LPCAT2: variants seen among roughly 807,000 people sequenced by gnomAD.
LPCAT2 encodes lysophosphatidylcholine acyltransferase 2, also known as 1-AGP acyltransferase 11.
A neutral mutation model predicts 64.7 loss-of-function variants in LPCAT2; 58 were observed. The observed-to-expected ratio is 0.90, with a 90% confidence interval of 0.73 to 1.12. The LOEUF (loss-of-function observed/expected upper bound fraction) is 1.12. Ranked by LOEUF, LPCAT2 falls within the 50% of genes most tolerant of loss-of-function variation. The pLI is 0.00. For missense variants in LPCAT2, 579 were observed against 669.8 expected, an observed-to-expected ratio of 0.86 and a Z score of 1.50; for synonymous variants, 252 against 245.3, an observed-to-expected ratio of 1.03 and a Z score of -0.26.
At chr16:55,547,999 C>T (rs1406321219) in intron 9 of LPCAT2, among the ~76,000 whole-genome samples, 1 of 152,176 alleles carries the variant, frequency 6.6e-6, no homozygotes, top group Non-Finnish European at 1.5e-5. Flanking sequence ...AACTCCTGAC[C>T]TCGGGTGATC....
intron 9 of LPCAT2, among the ~76,000 whole-genome samples, 170 bp downstream of exon 9, chr16:55,545,987 G>A (rs2397722): frequency 0.93 from 141,387 of 152,144 alleles, 66,241 homozygotes; most frequent in East Asian, 0.99. Context: ...CAATCTATAA[G>A]TATTTTCCCC....
chr16:55,542,993 A>G (rs1472022984), intron 8 of LPCAT2, among the ~76,000 whole-genome samples: 2 of 152,186 alleles, frequency 1.3e-5, no homozygotes, highest in Non-Finnish European at 2.9e-5. Context: ...GGGAACCATA[A>G]AAGATAGTGG....
chr16:55,525,105 C>T (rs183675154), intron 1 of LPCAT2, among the ~76,000 whole-genome samples: 346 of 152,090 alleles, frequency 2.3e-3, no homozygotes, highest in Middle Eastern at 0.014. Context: ...ACTTTTCTAC[C>T]TAAAGCTCTC....
rs1441712091 is a variant in LPCAT2, at chr16:55,583,695, T to A, written c.*597T>A. On this transcript the variant is annotated 3_prime_UTR_variant, in exon 14 of 14. Coordinates refer to ENST00000262134, the MANE Select transcript of LPCAT2 (RefSeq NM_017839.5). ...TATTGTAGTTTTTTGTTTTGTTTTG[T>A]TTTTTGAGATGGAGTCTTGCTCTGT... 1 of 153,240 alleles carries A rather than the reference T, an allele frequency of 6.5e-6. No homozygotes were observed. Among genetic ancestry groups the A allele is most frequent in the Non-Finnish European group, 1.4e-5 (1 of 69,002 alleles). 9.5% of individuals were successfully genotyped at this position (153,240 alleles called of 1,614,324 possible). A position where few individuals can be genotyped will look rare whatever the true frequency, so the allele number is the denominator to read the frequency against.
At chr16:55,550,815 A>G in intron 10 of LPCAT2, 134 bp from the exon 11 acceptor site, 2 of 667,460 alleles carry the variant, frequency 3.0e-6, no homozygotes, top group Non-Finnish European at 4.6e-6. Flanking sequence ...TTAAGTACCT[A>G]TTTTATTCTC....
intron 1 of LPCAT2, among the ~76,000 whole-genome samples, chr16:55,514,017 A>G (rs1470331345): frequency 1.3e-5 from 2 of 152,192 alleles, no homozygotes; most frequent in Non-Finnish European, 2.9e-5. Flanking sequence ...AGCCCGGGCA[A>G]CATAGGGAGA....
chr16:55,518,517 C>G (rs992376295), intron 1 of LPCAT2, among the ~76,000 whole-genome samples: 12 of 152,174 alleles, frequency 7.9e-5, no homozygotes, highest in Non-Finnish European at 1.0e-4. Flanking sequence ...TCACATTTCT[C>G]ATTTTCAAAA....
chr16:55,574,563 C>T (rs1963805704), intron 11 of LPCAT2, 68 bp from the exon 12 acceptor site: 2 of 1,076,778 alleles, frequency 1.9e-6, no homozygotes, highest in Non-Finnish European at 2.9e-6. Context: ...CTGAATTTTA[C>T]CTTGTAGTAG....
intron 12 of LPCAT2, among the ~76,000 whole-genome samples, chr16:55,575,327 C>A (rs1344542532): frequency 6.6e-6 from 1 of 152,100 alleles, no homozygotes; most frequent in Non-Finnish European, 1.5e-5. Context: ...GATGAAAGTT[C>A]AAATTTTGAA....
At chr16:55,515,247 T>TAC (rs34925523) in intron 1 of LPCAT2, among the ~76,000 whole-genome samples, 73,020 of 151,802 alleles carry the variant, frequency 0.48, 18,186 homozygotes, top group Non-Finnish European at 0.55. Flanking sequence ...TACCTATATA[T>TAC]AGTTACATTA....
intron 1 of LPCAT2, among the ~76,000 whole-genome samples, chr16:55,520,542 C>G (rs2142392635): frequency 6.6e-6 from 1 of 152,000 alleles, no homozygotes; most frequent in South Asian, 2.1e-4. Context: ...TGGAACACTA[C>G]CTCCAAAAAT....
At chr16:55,528,276 A>G (rs1193801764) in intron 2 of LPCAT2, 101 bp from the exon 3 acceptor site, 5 of 813,104 alleles carry the variant, frequency 6.1e-6, no homozygotes, top group Non-Finnish European at 9.7e-6. Context: ...TTCATATGAA[A>G]TACTCTGACA....
chr16:55,574,684 G>A lies in LPCAT2; in HGVS notation c.1269G>A (p.Leu423=). 1 of 1,613,580 alleles carries A rather than the reference G, an allele frequency of 6.2e-7. No homozygotes were observed. The highest frequency in any genetic ancestry group is 2.2e-5 in the East Asian group (1 of 44,848). The stretch of plus-strand genomic sequence containing the variant: ...AGTATGTGATTGGCCTGGCTGTCTT[G>A]TGCAACCCTTCCAACACAGAGGAGA... ...FREYVIGLAV[L]CNPSNTEEII... The change falls in exon 12 of 14, where the codon TTG becomes TTA. Residue 423 remains leucine, a synonymous_variant. Coordinates refer to ENST00000262134, the MANE Select transcript of LPCAT2 (RefSeq NM_017839.5).
intron 1 of LPCAT2, among the ~76,000 whole-genome samples, chr16:55,525,076 G>A (rs1281297490): frequency 4.6e-5 from 7 of 151,152 alleles, no homozygotes; most frequent in South Asian, 2.1e-4. Context: ...TATTTACTTC[G>A]TCACACTCTG....
intron 1 of LPCAT2, among the ~76,000 whole-genome samples, chr16:55,523,176 T>G (rs1253383736): frequency 1.3e-5 from 2 of 151,724 alleles, no homozygotes; most frequent in Non-Finnish European, 3.0e-5. Flanking sequence ...GTTAAAGGAA[T>G]GACCAATAAG....
intron 1 of LPCAT2, among the ~76,000 whole-genome samples, chr16:55,510,286 T>TA (rs1262550131): frequency 6.6e-6 from 1 of 152,152 alleles, no homozygotes; most frequent in African/African-American, 2.4e-5. Flanking sequence ...TAAAAATGGC[T>TA]ATACTGTTAT....
Position 55,583,226 on chromosome 16 carries a change from G to C in LPCAT2, c.*128G>C. On this transcript the variant is annotated 3_prime_UTR_variant, in exon 14 of 14. Transcript: ENST00000262134. ...AAAGATTTTTAAAACAAAAATGATA[G>C]ATTTTCTTACTAAAAATGTTTTTAT... 1 of 727,702 alleles carries C rather than the reference G, an allele frequency of 1.4e-6. No homozygotes were observed. Among genetic ancestry groups the C allele is most frequent in the Non-Finnish European group, 2.1e-6 (1 of 477,078 alleles). The allele number at this position is 727,702 out of a possible 1,614,324, so 45.1% of individuals were successfully genotyped here. A position where few individuals can be genotyped will look rare whatever the true frequency, so the allele number is the denominator to read the frequency against.
intron 1 of LPCAT2, among the ~76,000 whole-genome samples, chr16:55,519,870 G>T (rs1596848733): frequency 6.6e-6 from 1 of 151,992 alleles, no homozygotes; most frequent in African/African-American, 2.4e-5. Context: ...GTAATCTTCA[G>T]ACCAACTGCT....
chr16:55,557,303 C>T (rs943642150), intron 11 of LPCAT2, among the ~76,000 whole-genome samples: 9 of 151,882 alleles, frequency 5.9e-5, no homozygotes, highest in Admixed American at 2.0e-4. Flanking sequence ...CTCTCTCTCT[C>T]TCTTTCTGTT....
Sources: gnomAD v4.1 joint callset for allele counts (sites outside exome capture counted in the v4.1 genomes callset) on GRCh38, gnomAD v4.1.1 for gene constraint, MANE v1.5 for transcripts, NCBI Gene and HGNC (gene_info 2026-07-23, HGNC 2026-07-21) for gene names.